The following ARFGEF3 variants were observed in gnomAD, a reference collection of about 807,000 sequenced individuals.
ARFGEF3 encodes ARFGEF family member 3.
ARFGEF3 carries 96 observed loss-of-function variants against 221.7 expected under a neutral mutation model. The ratio of observed to expected loss-of-function variants is 0.43; its 90% confidence interval spans 0.37 to 0.51. The LOEUF is 0.51. Among genes scored for constraint, ARFGEF3 ranks in the 20% least tolerant of loss-of-function variants. The pLI, the probability that ARFGEF3 is intolerant of heterozygous loss-of-function variation, is 0.00. For missense variants in ARFGEF3, 2,410 were observed against 2,789.9 expected, an observed-to-expected ratio of 0.86 and a Z score of 3.07; for synonymous variants, 1,145 against 1,126.8, an observed-to-expected ratio of 1.02 and a Z score of -0.32.
chr6:138,235,897 T>A (rs1778276868), intron 5 of ARFGEF3, among the ~76,000 whole-genome samples: 1 of 152,246 alleles, frequency 6.6e-6, no homozygotes, highest in South Asian at 2.1e-4. Flanking sequence ...ATACTTTTTT[T>A]AGCTGAGTAA....
chr6:138,235,615 A>G (rs1778270594), intron 5 of ARFGEF3, among the ~76,000 whole-genome samples: 1 of 152,256 alleles, frequency 6.6e-6, no homozygotes, highest in East Asian at 1.9e-4. Flanking sequence ...GAAGAAAAAC[A>G]TTAAAAATAG....
chr6:138,197,747 T>C (rs1777457082), intron 2 of ARFGEF3, among the ~76,000 whole-genome samples: 1 of 152,206 alleles, frequency 6.6e-6, no homozygotes. Context: ...ATCAAGTGCC[T>C]GAGCTCTCAG....
chr6:138,335,356 T>C (rs1044780778), intron 33 of ARFGEF3, among the ~76,000 whole-genome samples, 168 bp downstream of exon 33: 2 of 152,062 alleles, frequency 1.3e-5, no homozygotes, highest in African/African-American at 4.8e-5. Flanking sequence ...AAGTGCAGGA[T>C]CTCCCAGGAT....
intron 2 of ARFGEF3, among the ~76,000 whole-genome samples, chr6:138,194,268 C>CAAA (rs11349885): frequency 2.2e-5 from 2 of 92,980 alleles, no homozygotes; most frequent in African/African-American, 8.0e-5. Context: ...ACTCCGTCTC[C>CAAA]AAAAAAAAAA....
At position 138,336,546 on chromosome 6, in the gene ARFGEF3, A is replaced by C. The variant is rs6932923; in HGVS notation, c.*60A>C. ...TAGTGAGGGTTAGAGTCCTGCCAATACAGCTGTTGCATTTTCCCCACCACT... is the reference window on the plus strand; with the variant it reads ...TAGTGAGGGTTAGAGTCCTGCCAATCCAGCTGTTGCATTTTCCCCACCACT... On this transcript the variant is annotated 3_prime_UTR_variant, in exon 34 of 34. Coordinates refer to ENST00000251691, the MANE Select transcript of ARFGEF3 (RefSeq NM_020340.5). 0.092 allele frequency: 127,815 copies of C among 1,384,478 alleles called. 15,726 individuals carry two copies. Among genetic ancestry groups the C allele is most frequent in the African/African-American group, 0.59 (40,655 of 68,862 alleles). 85.8% of individuals were successfully genotyped at this position (1,384,478 alleles called of 1,614,324 possible).
In ARFGEF3 at chr6:138,161,941, G is replaced by A. The variant is rs1776619354; in HGVS notation, c.-146G>A. ...GTGGCCCGCGGCATGGAGCGGGCGT[G>A]ATTCATCAGCATCCGCGCCGGGGCG... On this transcript the variant is annotated 5_prime_UTR_variant, in exon 1 of 34. Transcript: ENST00000251691. 3.8e-5 allele frequency: 9 copies of A among 238,628 alleles called. No homozygotes were observed. Among genetic ancestry groups the A allele is most frequent in the Non-Finnish European group, 7.0e-5 (9 of 128,672 alleles). 14.8% of individuals were successfully genotyped at this position (238,628 alleles called of 1,614,324 possible).
intron 27 of ARFGEF3, among the ~76,000 whole-genome samples, chr6:138,319,015 G>A (rs1320197812): frequency 2.6e-5 from 4 of 152,048 alleles, no homozygotes; most frequent in Admixed American, 2.6e-4. Context: ...AGCAAGTGGT[G>A]TGATCATAGC....
chr6:138,313,707 A>T, intron 25 of ARFGEF3, 88 bp from the exon 26 acceptor site: 1 of 1,037,090 alleles, frequency 9.6e-7, no homozygotes, highest in Non-Finnish European at 1.4e-6. Context: ...TCCTTTTAGT[A>T]CTAGTGTATA....
At chr6:138,308,918 C>G in intron 24 of ARFGEF3, 57 bp downstream of exon 24, 1 of 1,607,276 alleles carries the variant, frequency 6.2e-7, no homozygotes. Context: ...TCCAGGGTGG[C>G]TCTGTGGCTG....
Position 138,324,049 on chromosome 6 carries a change from C to T in ARFGEF3, c.4896C>T (p.Gly1632=). The change falls in exon 31 of 34, where the codon GGC becomes GGT. Residue 1632 remains glycine (G), a synonymous_variant. Coordinates refer to ENST00000251691, the MANE Select transcript of ARFGEF3 (RefSeq NM_020340.5). ...ACCTGCTGGGCTGCTTCCACAGCGG[C>T]ACGGAGAGCTTCAGCGGGGAAGGCT... is the stretch of plus-strand genomic sequence containing the variant. ...VKDLLGCFHS[G]TESFSGEGCQ... 1.9e-6 allele frequency: 3 copies of T among 1,613,872 alleles called. No homozygotes were observed. The highest frequency in any genetic ancestry group is 2.5e-6 in the Non-Finnish European group (3 of 1,179,870).
At chr6:138,185,856 C>A (rs1304887532) in intron 2 of ARFGEF3, among the ~76,000 whole-genome samples, 4 of 152,130 alleles carry the variant, frequency 2.6e-5, no homozygotes, top group Non-Finnish European at 5.9e-5. Context: ...TGAGAGTTAC[C>A]AATTATGGCG....
intron 4 of ARFGEF3, among the ~76,000 whole-genome samples, chr6:138,219,851 A>C (rs560994890): frequency 6.6e-6 from 1 of 152,262 alleles, no homozygotes; most frequent in East Asian, 1.9e-4. Context: ...AAGTGCTAGT[A>C]GTTTAACATT....
chr6:138,275,669 G>A (rs767326911), intron 12 of ARFGEF3, among the ~76,000 whole-genome samples: 24 of 151,916 alleles, frequency 1.6e-4, no homozygotes, highest in Non-Finnish European at 3.4e-4. Context: ...GCTTGAACCC[G>A]GGAGGCAGAG....
chr6:138,259,665 A>G (rs1329440208), intron 10 of ARFGEF3, among the ~76,000 whole-genome samples: 1 of 152,236 alleles, frequency 6.6e-6, no homozygotes, highest in Non-Finnish European at 1.5e-5. Flanking sequence ...AAAATAGATT[A>G]TCTTGGGAGG....
At chr6:138,285,552 A>G (rs1779271396) in intron 14 of ARFGEF3, among the ~76,000 whole-genome samples, 1 of 152,168 alleles carries the variant, frequency 6.6e-6, no homozygotes, top group Admixed American at 6.5e-5. Flanking sequence ...CTCTTAATTC[A>G]TGTAAGGAAG....
chr6:138,236,674 G>T (rs576260430), intron 5 of ARFGEF3, among the ~76,000 whole-genome samples: 1 of 152,056 alleles, frequency 6.6e-6, no homozygotes. Context: ...GCCCCGTTGC[G>T]CCCAGGCAGA....
At chr6:138,226,732 G>A (rs1394998048) in intron 4 of ARFGEF3, among the ~76,000 whole-genome samples, 1 of 152,228 alleles carries the variant, frequency 6.6e-6, no homozygotes, top group Non-Finnish European at 1.5e-5. Flanking sequence ...ATGGAAGTCA[G>A]ATGATTTCAA....
intron 1 of ARFGEF3, among the ~76,000 whole-genome samples, chr6:138,168,413 G>A (rs1037046650): frequency 2.6e-5 from 4 of 152,208 alleles, no homozygotes; most frequent in South Asian, 2.1e-4. Context: ...GGGCTGGAGC[G>A]ACGGGAGAGA....
chr6:138,243,834 A>G (rs1201068048), intron 7 of ARFGEF3, among the ~76,000 whole-genome samples: 1 of 152,204 alleles, frequency 6.6e-6, no homozygotes, highest in African/African-American at 2.4e-5. Context: ...ATTCTAAAGC[A>G]TCACTAGAGT....
Sources: gnomAD v4.1 joint callset for allele counts (sites outside exome capture counted in the v4.1 genomes callset) on GRCh38, gnomAD v4.1.1 for gene constraint, MANE v1.5 for transcripts, NCBI Gene and HGNC (gene_info 2026-07-23, HGNC 2026-07-21) for gene names.